Variants in ERBB4 observed in about 807,000 individuals in gnomAD.
ERBB4 encodes erb-b2 receptor tyrosine kinase 4, also known as receptor tyrosine-protein kinase erbB-4.
ERBB4 carries 42 observed loss-of-function variants against 158.0 expected under a neutral mutation model. That is an observed-to-expected ratio of 0.27 (90% CI 0.21 to 0.34). ERBB4 has a LOEUF of 0.34. Among genes scored for constraint, ERBB4 ranks in the 10% least tolerant of loss-of-function variants. The pLI is 1.00. For missense variants in ERBB4, 1,333 were observed against 1,624.1 expected (o/e 0.82, Z 3.08); for synonymous variants, 583 against 558.7 (o/e 1.04, Z -0.61).
intron 19 of ERBB4, among the ~76,000 whole-genome samples, chr2:211,598,542 A>G (rs1157539095): frequency 6.6e-6 from 1 of 152,184 alleles, no homozygotes; most frequent in Non-Finnish European, 1.5e-5. Context: ...GTGTGGTTTC[A>G]ACTAGTTAGT....
intron 19 of ERBB4, among the ~76,000 whole-genome samples, chr2:211,563,561 AT>A (rs1476163112): frequency 1.3e-5 from 2 of 152,218 alleles, no homozygotes; most frequent in Non-Finnish European, 2.9e-5. Context: ...GGATAAAAAA[AT>A]ATATAAAACA....
intron 2 of ERBB4, among the ~76,000 whole-genome samples, chr2:211,949,714 A>T (rs1164921896): frequency 6.6e-6 from 1 of 152,032 alleles, no homozygotes; most frequent in Non-Finnish European, 1.5e-5. Flanking sequence ...GTTTCCTTTC[A>T]TCTTGTTATC....
chr2:212,521,403 T>C (rs1692154881), intron 1 of ERBB4, among the ~76,000 whole-genome samples: 2 of 151,882 alleles, frequency 1.3e-5, no homozygotes, highest in South Asian at 4.1e-4. Context: ...TGACAGTCCA[T>C]GTGTACAATA....
intron 1 of ERBB4, among the ~76,000 whole-genome samples, chr2:212,131,149 T>A (rs867889068): frequency 6.6e-6 from 1 of 152,122 alleles, no homozygotes; most frequent in African/African-American, 2.4e-5. Context: ...TCAAAATACA[T>A]CCCCAAATGG....
At chr2:211,612,550 G>T (rs2069238926) in intron 19 of ERBB4, among the ~76,000 whole-genome samples, 1 of 151,990 alleles carries the variant, frequency 6.6e-6, no homozygotes, top group Non-Finnish European at 1.5e-5. Flanking sequence ...GGTATGATTG[G>T]AAGATGAAAA....
At chr2:212,107,456 T>C (rs2079265471) in intron 2 of ERBB4, among the ~76,000 whole-genome samples, 2 of 152,210 alleles carry the variant, frequency 1.3e-5, no homozygotes, top group Non-Finnish European at 2.9e-5. Context: ...CCCCATTGTA[T>C]CTAGGAAGTA....
intron 1 of ERBB4, among the ~76,000 whole-genome samples, chr2:212,311,300 A>C (rs2087034391): frequency 6.6e-6 from 1 of 150,926 alleles, no homozygotes; most frequent in Admixed American, 6.6e-5. Context: ...AATAAAAATA[A>C]TATAGAATGA....
chr2:212,195,499 C>A (rs2082399787), intron 1 of ERBB4, among the ~76,000 whole-genome samples: 1 of 151,860 alleles, frequency 6.6e-6, no homozygotes, highest in African/African-American at 2.4e-5. Flanking sequence ...ATAAAATATG[C>A]ACACCTTTTA....
At chr2:212,115,676 G>C (rs888335025) in intron 2 of ERBB4, among the ~76,000 whole-genome samples, 24 of 151,952 alleles carry the variant, frequency 1.6e-4, no homozygotes, top group African/African-American at 5.8e-4. Flanking sequence ...TGTTTATTTT[G>C]TTTCATTTTT....
chr2:212,468,058 C>T (rs1283343229), intron 1 of ERBB4, among the ~76,000 whole-genome samples: 2 of 152,090 alleles, frequency 1.3e-5, no homozygotes, highest in African/African-American at 4.8e-5. Context: ...CCAATTTCTC[C>T]CATTTGGGAT....
At chr2:211,504,560 T>C (rs1481365106) in intron 20 of ERBB4, among the ~76,000 whole-genome samples, 1 of 151,958 alleles carries the variant, frequency 6.6e-6, no homozygotes, top group Non-Finnish European at 1.5e-5. Context: ...AAACAAAATG[T>C]TGTGACACTC....
intron 1 of ERBB4, among the ~76,000 whole-genome samples, chr2:212,212,346 C>A (rs2082962769): frequency 6.6e-6 from 1 of 152,006 alleles, no homozygotes; most frequent in Admixed American, 6.6e-5. Context: ...CCTAGGAATA[C>A]AGCTAACAGG....
chr2:212,170,234 G>T (rs2081474921), intron 1 of ERBB4, among the ~76,000 whole-genome samples: 1 of 152,152 alleles, frequency 6.6e-6, no homozygotes, highest in Non-Finnish European at 1.5e-5. Flanking sequence ...AATTTATTGG[G>T]AACAAGAGCA....
At chr2:212,063,233 C>G (rs1002488608) in intron 2 of ERBB4, among the ~76,000 whole-genome samples, 5 of 151,604 alleles carry the variant, frequency 3.3e-5, no homozygotes, top group Non-Finnish European at 5.9e-5. Flanking sequence ...TGTGTTCCAC[C>G]AGAATAGAAA....
chr2:212,081,700 G>T (rs2078448279), intron 2 of ERBB4, among the ~76,000 whole-genome samples: 2 of 152,106 alleles, frequency 1.3e-5, no homozygotes, highest in African/African-American at 4.8e-5. Context: ...TTAGGGTAAT[G>T]CTTGTCAAAT....
At position 211,375,912 on chromosome 2, in the gene ERBB4, T is replaced by A. The variant is rs2062464555; in HGVS notation, c.*7703A>T. 1 of 232,800 alleles carries A rather than the reference T, an allele frequency of 4.3e-6. No individual in the cohort carries two copies. 14.4% of individuals were successfully genotyped at this position (232,800 alleles called of 1,614,324 possible). ...TTCTTTCCCAAGAGCCAAAAGAGGA[T>A]CCTTGAGAACTAACGGAAAAGCCTA... On this transcript the variant is annotated 3_prime_UTR_variant, in exon 28 of 28. Coordinates refer to ENST00000342788, the MANE Select transcript of ERBB4 (RefSeq NM_005235.3).
intron 1 of ERBB4, among the ~76,000 whole-genome samples, chr2:212,521,929 G>A (rs1224705527): frequency 6.6e-6 from 1 of 151,842 alleles, no homozygotes; most frequent in Non-Finnish European, 1.5e-5. Context: ...TTAGAAGAGT[G>A]GCACCTATTG....
intron 1 of ERBB4, among the ~76,000 whole-genome samples, chr2:212,234,505 G>A (rs1160860732): frequency 6.6e-6 from 1 of 152,094 alleles, no homozygotes; most frequent in Non-Finnish European, 1.5e-5. Flanking sequence ...CCCAGTAATG[G>A]GATTGCTGGG....
intron 1 of ERBB4, among the ~76,000 whole-genome samples, chr2:212,408,141 T>C (rs1253506692): frequency 2.0e-5 from 3 of 152,074 alleles, no homozygotes; most frequent in African/African-American, 7.2e-5. Context: ...GTTTGTTACA[T>C]AGGTAAATGT....
Sources: gnomAD v4.1 joint callset for allele counts (sites outside exome capture counted in the v4.1 genomes callset) on GRCh38, gnomAD v4.1.1 for gene constraint, MANE v1.5 for transcripts, NCBI Gene and HGNC (gene_info 2026-07-23, HGNC 2026-07-21) for gene names.